SPTA1: variants seen among roughly 807,000 people sequenced by gnomAD.
SPTA1 encodes spectrin alpha chain, erythrocytic 1.
Under a neutral mutation model 324.7 loss-of-function variants are expected in SPTA1, and 177 were observed. That is an observed-to-expected ratio of 0.55 (90% CI 0.48 to 0.62). SPTA1 has a LOEUF of 0.62. SPTA1 is among the 20% of genes least tolerant of loss of function. The pLI is 0.00. For synonymous variants in SPTA1, 1,195 were observed against 1,041.3 expected, an observed-to-expected ratio of 1.15 and a Z score of -2.84; for missense variants, 3,162 against 2,883.6, an observed-to-expected ratio of 1.10 and a Z score of -2.21.
intron 37 of SPTA1, among the ~76,000 whole-genome samples, 158 bp downstream of exon 37, chr1:158,636,483 A>G (rs1405511506): frequency 1.3e-5 from 2 of 152,214 alleles, no homozygotes; most frequent in African/African-American, 4.8e-5. Context: ...AGGAGACTAA[A>G]TGTGGAAGAG....
In SPTA1 at chr1:158,654,384, A is replaced by C. The variant is rs559005348; in HGVS notation, c.3036+227T>G. 3.3e-5 allele frequency among the ~76,000 whole-genome samples: 5 copies of C among 152,328 alleles called. No individual in the cohort carries two copies. The South Asian group carries it at 1.0e-3, about 32-fold the overall frequency. ...ATCTTTGGGCTAATTATATAACTTCAATTCTTTATGATTTTAACTGCAACA... is the reference window on the plus strand; with the variant it reads ...ATCTTTGGGCTAATTATATAACTTCCATTCTTTATGATTTTAACTGCAACA... On this transcript the variant is annotated intron_variant, in intron 21 of 51. Transcript: ENST00000643759.
Position 158,643,322 on chromosome 1 carries a change from C to T in SPTA1, c.4442G>A (p.Arg1481Lys). ...IATRLQRVLD[R>K]WKALKAQLID... is the part of the protein sequence containing the mutation. Reference sequence around the variant, plus strand: ...CATAAAACAATCACTCAGGCCTGACCTGTCTAGTACACGTTGGAGCCGCGT... The same window carrying T: ...CATAAAACAATCACTCAGGCCTGACTTGTCTAGTACACGTTGGAGCCGCGT... The change falls in exon 31 of 52, where the codon AGG becomes AAG. Residue 1481 changes from arginine (R) to lysine (K), a missense_variant and splice_region_variant. Coordinates refer to ENST00000643759, the MANE Select transcript of SPTA1 (RefSeq NM_003126.4). The T allele has an allele frequency of 6.2e-7, 1 of 1,613,886 alleles. No individual in the cohort carries two copies. Among genetic ancestry groups the T allele is most frequent in the Non-Finnish European group, 8.5e-7 (1 of 1,179,892 alleles).
chr1:158,619,270 T>C lies in SPTA1; in HGVS notation c.6482A>G (p.Glu2161Gly). 1 of 1,614,132 alleles carries C rather than the reference T, an allele frequency of 6.2e-7. No individual in the cohort carries two copies. The highest frequency in any genetic ancestry group is 8.5e-7 in the Non-Finnish European group (1 of 1,179,992). The change falls in exon 45 of 52, where the codon GAG becomes GGG. Residue 2161 changes from glutamate (E) to glycine (G), a missense_variant. Glu to Gly is a moderately conservative substitution (Grantham distance 98). Transcript: ENST00000643759. ...GAAGGTACTGGCATTCTGTTCAAAC[T>C]CCTGACACATCTCAAAGTTCTTGAC... ...RQVKNFEMCQ[E>G]FEQNASTFLQ...
intron 3 of SPTA1, 125 bp from the exon 4 acceptor site, chr1:158,681,792 A>C: frequency 8.1e-6 from 10 of 1,240,424 alleles, no homozygotes; most frequent in Non-Finnish European, 1.2e-5. Flanking sequence ...TTAGTTGCTC[A>C]ACAAACATTT....
In SPTA1 at chr1:158,656,570, G is replaced by T; in HGVS notation, c.2892C>A (p.Ala964=). 3 of 1,613,722 alleles carry T rather than the reference G, an allele frequency of 1.9e-6. No homozygotes were observed. In the South Asian group the frequency reaches 3.3e-5, roughly 18 times the overall value. Residue 964 remains alanine, a synonymous_variant, in exon 20 of 52, where the codon GCC becomes GCA. Transcript: ENST00000643759. ...ATCGCTAAGTTAGTCTTACCTGGCA[G>T]GCGTTTGCCTGATTCCGCAGAGCTT... ...SMKALRNQAN[A]CQQQQAAPVE... is the part of the protein sequence containing the mutation.
chr1:158,669,607 T>C (rs1266986017), intron 13 of SPTA1, 44 bp from the exon 14 acceptor site: 2 of 1,613,916 alleles, frequency 1.2e-6, no homozygotes, highest in African/African-American at 1.3e-5. Context: ...CAACCAAATA[T>C]GGACATGTGA....
chr1:158,623,101 T>A lies in SPTA1; in HGVS notation c.6002A>T (p.Asn2001Ile). 2 of 1,614,078 alleles carry A rather than the reference T, an allele frequency of 1.2e-6. No individual in the cohort carries two copies. Among genetic ancestry groups the A allele is most frequent in the African/African-American group, 1.3e-5 (1 of 75,018 alleles). The change falls in exon 43 of 52, where the codon AAC becomes ATC. Residue 2001 changes from asparagine to isoleucine, a missense_variant. Coordinates refer to ENST00000643759, the MANE Select transcript of SPTA1 (RefSeq NM_003126.4). The part of the protein sequence containing the change: ...LKDKLISAQH[N>I]QSKAIEERYA... ...ACGCTCTTCAATGGCTTTAGACTGG[T>A]TGTGTTGAGCAGAAATCAGTTTGTC... is the stretch of plus-strand genomic sequence containing the variant.
rs377688677 is a variant in SPTA1 at position 158,656,631 on chromosome 1, A to G, written c.2831T>C (p.Phe944Ser). 5.6e-6 allele frequency: 9 copies of G among 1,613,696 alleles called. No homozygotes were observed. The African/African-American group carries it at 8.0e-5, about 14-fold the overall frequency. ...AGALLKKHEA[F>S]LLDLNSFGDS... is the part of the protein sequence containing the mutation. Reference sequence around the variant, plus strand: ...TCCAAATGAATTGAGATCTAATAGAAAGGCCTCATGCTTCTTTAGAAGAGC... The same window carrying G: ...TCCAAATGAATTGAGATCTAATAGAGAGGCCTCATGCTTCTTTAGAAGAGC... The change falls in exon 20 of 52, where the codon TTT becomes TCT. Residue 944 changes from phenylalanine (F) to serine (S), a missense_variant. Coordinates refer to ENST00000643759, the MANE Select transcript of SPTA1 (RefSeq NM_003126.4).
At chr1:158,677,169 T>C (rs1654443759) in intron 7 of SPTA1, among the ~76,000 whole-genome samples, 1 of 152,180 alleles carries the variant, frequency 6.6e-6, no homozygotes, top group African/African-American at 2.4e-5. Context: ...AATAGGCTTG[T>C]TCTAAGTTCT....
At position 158,656,540 on chromosome 1, in the gene SPTA1, C is replaced by T. The variant is rs894986195; in HGVS notation, c.2898+24G>A. 6.3e-6 allele frequency: 10 copies of T among 1,595,960 alleles called. No individual in the cohort carries two copies. The East Asian group carries it at 2.2e-4, about 36-fold the overall frequency. The stretch of plus-strand genomic sequence containing the variant: ...TTCTTTGTGGTGGGAAGTGTGAATC[C>T]TGTCATCGCTAAGTTAGTCTTACCT... On this transcript the variant is annotated intron_variant, in intron 20 of 51. Coordinates refer to ENST00000643759, the MANE Select transcript of SPTA1 (RefSeq NM_003126.4).
intron 39 of SPTA1, among the ~76,000 whole-genome samples, chr1:158,632,275 A>T (rs561446473): frequency 3.3e-5 from 5 of 151,152 alleles, no homozygotes; most frequent in Non-Finnish European, 7.4e-5. Flanking sequence ...TAATTACCAG[A>T]GGCTGAGAAA....
rs201951760 is a variant in SPTA1 at position 158,671,358 on chromosome 1, C to T, written c.1584G>A (p.Gln528=). The change falls in exon 12 of 52, where the codon CAG becomes CAA. Residue 528 remains glutamine (Q), a synonymous_variant. Coordinates refer to ENST00000643759, the MANE Select transcript of SPTA1 (RefSeq NM_003126.4). The part of the protein sequence containing the change: ...HEDFEEAFTA[Q]EEKIITVDKT... ...AATTTCTTACTATGATCTTCTCTTCCTGGGCAGTAAAGGCTTCCTCAAAGT... is the reference window on the plus strand; with the variant it reads ...AATTTCTTACTATGATCTTCTCTTCTTGGGCAGTAAAGGCTTCCTCAAAGT... 4.5e-5 allele frequency: 72 copies of T among 1,613,390 alleles called. No individual in the cohort carries two copies. Among genetic ancestry groups the T allele is most frequent in the Non-Finnish European group, 6.1e-5 (72 of 1,179,814 alleles).
chr1:158,677,977 TA>T, intron 6 of SPTA1, 143 bp from the exon 7 acceptor site: 1 of 1,033,414 alleles, frequency 9.7e-7, no homozygotes, highest in South Asian at 1.5e-5. Context: ...AAAAGTAATA[TA>T]AAATGTTCTT....
At chr1:158,626,299 A>G (rs1310693469) in intron 41 of SPTA1, 77 bp from the exon 42 acceptor site, 3 of 1,301,306 alleles carry the variant, frequency 2.3e-6, no homozygotes, top group African/African-American at 2.9e-5. Flanking sequence ...AGGAATATTT[A>G]CAACACACAA....
intron 10 of SPTA1, among the ~76,000 whole-genome samples, chr1:158,673,236 T>C (rs1654153564): frequency 1.3e-5 from 2 of 151,954 alleles, no homozygotes; most frequent in Non-Finnish European, 2.9e-5. Flanking sequence ...AAAAAAACTA[T>C]ATTATAATGT....
chr1:158,680,491 C>T, intron 5 of SPTA1, 92 bp downstream of exon 5: 5 of 1,562,638 alleles, frequency 3.2e-6, no homozygotes, highest in Non-Finnish European at 4.4e-6. Context: ...TCACAATGCC[C>T]CATCTCCTTC....
intron 44 of SPTA1, 136 bp downstream of exon 44, chr1:158,620,034 A>T: frequency 8.4e-7 from 1 of 1,192,672 alleles, no homozygotes; most frequent in South Asian, 1.3e-5. Flanking sequence ...TTTTTCTTAG[A>T]CAGTCATGTT....
chr1:158,679,344 C>T (rs1362118475), intron 5 of SPTA1, among the ~76,000 whole-genome samples: 1 of 152,090 alleles, frequency 6.6e-6, no homozygotes, highest in Non-Finnish European at 1.5e-5. Flanking sequence ...AAATCGCATG[C>T]TATTTTGCTG....
intron 36 of SPTA1, among the ~76,000 whole-genome samples, 175 bp downstream of exon 36, chr1:158,637,858 A>G (rs1651200176): frequency 6.6e-6 from 1 of 152,224 alleles, no homozygotes; most frequent in Non-Finnish European, 1.5e-5. Context: ...GCTTGCATCC[A>G]GTAAGGGAAT....
Sources: gnomAD v4.1 joint callset for allele counts (sites outside exome capture counted in the v4.1 genomes callset) on GRCh38, gnomAD v4.1.1 for gene constraint, MANE v1.5 for transcripts, NCBI Gene and HGNC (gene_info 2026-07-23, HGNC 2026-07-21) for gene names.